The following ANKS1B variants were observed in gnomAD, a reference collection of about 807,000 sequenced individuals.
ANKS1B encodes the protein ankyrin repeat and sterile alpha motif domain-containing protein 1B.
In ANKS1B, 36 loss-of-function variants were observed where a neutral mutation model predicts 148.3. That is an observed-to-expected ratio of 0.24 (90% CI 0.19 to 0.32). The LOEUF is 0.32. Among genes scored for constraint, ANKS1B ranks in the 10% least tolerant of loss-of-function variants. The pLI is 1.00. For missense variants in ANKS1B, 1,157 were observed against 1,542.6 expected (o/e 0.75, Z 4.19); for synonymous variants, 542 against 560.8 (o/e 0.97, Z 0.47).
intron 25 of ANKS1B, among the ~76,000 whole-genome samples, chr12:98,770,163 T>C (rs1462273165): frequency 6.6e-6 from 1 of 152,232 alleles, no homozygotes; most frequent in Admixed American, 6.5e-5. Flanking sequence ...GGTGAAAACC[T>C]GCAAGGTAGA....
At chr12:99,444,901 C>A (rs954449338) in intron 10 of ANKS1B, among the ~76,000 whole-genome samples, 3 of 151,898 alleles carry the variant, frequency 2.0e-5, no homozygotes, top group Non-Finnish European at 4.4e-5. Context: ...ATCAAGGCAT[C>A]TTTTCCTCAT....
In ANKS1B at chr12:99,102,318, T is replaced by C. The variant is rs140661389; in HGVS notation, c.2527-17295A>G. Among the ~76,000 whole-genome samples, 5 of 152,276 alleles carry C rather than the reference T, an allele frequency of 3.3e-5. No homozygotes were observed. The East Asian group carries it at 9.6e-4, about 29-fold the overall frequency. On this transcript the variant is annotated intron_variant, in intron 15 of 26. Coordinates refer to ENST00000683438, the MANE Select transcript of ANKS1B (RefSeq NM_001352186.2). ...AGACAAAAGGGGTGGAGACAATGAA[T>C]GTAGACGATTGTTTTGAGAAATCTG...
At chr12:99,656,065 A>G (rs567743481) in intron 8 of ANKS1B, among the ~76,000 whole-genome samples, 1 of 152,292 alleles carries the variant, frequency 6.6e-6, no homozygotes, top group Admixed American at 6.5e-5. Context: ...CTAAATCTTT[A>G]CCACTGGCAA....
At chr12:98,917,928 T>C (rs2099796588) in intron 17 of ANKS1B, among the ~76,000 whole-genome samples, 1 of 152,210 alleles carries the variant, frequency 6.6e-6, no homozygotes, top group South Asian at 2.1e-4. Flanking sequence ...CCAGGTACCA[T>C]AATAAGTGTT....
intron 15 of ANKS1B, among the ~76,000 whole-genome samples, chr12:99,127,086 T>C (rs1021445433): frequency 2.0e-5 from 3 of 152,206 alleles, no homozygotes; most frequent in Non-Finnish European, 2.9e-5. Flanking sequence ...TGCAACTTTC[T>C]GCTGAAAAAA....
chr12:99,320,025 T>A (rs913385281), intron 12 of ANKS1B, among the ~76,000 whole-genome samples: 2 of 152,234 alleles, frequency 1.3e-5, no homozygotes, highest in Admixed American at 6.5e-5. Flanking sequence ...TGGCCCCCAC[T>A]CTCTTCTGGC....
At chr12:98,907,020 T>A (rs1351137386) in intron 17 of ANKS1B, among the ~76,000 whole-genome samples, 2 of 150,056 alleles carry the variant, frequency 1.3e-5, no homozygotes, top group African/African-American at 5.0e-5. Context: ...TGTGTGTGTG[T>A]GTGTGTGTGT....
At chr12:99,401,795 G>A (rs1331516315) in intron 11 of ANKS1B, among the ~76,000 whole-genome samples, 2 of 146,632 alleles carry the variant, frequency 1.4e-5, no homozygotes, top group African/African-American at 2.6e-5. Context: ...ATAGCAGTAA[G>A]GGTGATGAAA....
At chr12:98,855,009 A>C (rs2099554970) in intron 17 of ANKS1B, among the ~76,000 whole-genome samples, 1 of 150,482 alleles carries the variant, frequency 6.6e-6, no homozygotes, top group Non-Finnish European at 1.5e-5. Flanking sequence ...AATACAAAAA[A>C]TTAGCCGGGC....
In ANKS1B at chr12:99,015,002, C is replaced by T. The variant is rs560177972; in HGVS notation, c.2778+38155G>A. On this transcript the variant is annotated intron_variant, in intron 17 of 26. Transcript: ENST00000683438. ...AAGACAGAAATACCACTCAACCCAG[C>T]AATCCCACTACTGGTTATATACCCA... is the stretch of plus-strand genomic sequence containing the variant. Among the ~76,000 whole-genome samples, 11 of 152,302 alleles carry T rather than the reference C, an allele frequency of 7.2e-5. No homozygotes were observed. In the South Asian group the frequency reaches 2.3e-3, roughly 32 times the overall value.
intron 17 of ANKS1B, among the ~76,000 whole-genome samples, chr12:98,887,437 T>C (rs1349991879): frequency 6.6e-6 from 1 of 152,176 alleles, no homozygotes; most frequent in Non-Finnish European, 1.5e-5. Flanking sequence ...CCCCAAATTA[T>C]ATAACCTTCC....
intron 16 of ANKS1B, among the ~76,000 whole-genome samples, chr12:99,057,638 T>C (rs562261985): frequency 7.9e-5 from 12 of 152,342 alleles, no homozygotes; most frequent in African/African-American, 2.9e-4. Flanking sequence ...TATGCCCCTG[T>C]GCCCTTTGCC....
chr12:98,795,108 TCTAATGG>T, intron 22 of ANKS1B: 2 of 555,440 alleles, frequency 3.6e-6, no homozygotes, highest in Non-Finnish European at 6.4e-6. Flanking sequence ...TACCTTGCCA[TCTAATGG>T]CACTAGGCAG....
chr12:99,726,789 C>T (rs11533578), intron 8 of ANKS1B, among the ~76,000 whole-genome samples: 36,067 of 152,050 alleles, frequency 0.24, 4,497 homozygotes, highest in African/African-American at 0.28. Flanking sequence ...AACTTATCCA[C>T]CACAATCAAG....
intron 11 of ANKS1B, among the ~76,000 whole-genome samples, chr12:99,401,319 T>A (rs1043934064): frequency 1.4e-5 from 2 of 146,400 alleles, no homozygotes. Context: ...TAGAAAGGCA[T>A]GAGCTATAGC....
At chr12:98,944,302 CAAA>C (rs11313441) in intron 17 of ANKS1B, among the ~76,000 whole-genome samples, 13 of 88,038 alleles carry the variant, frequency 1.5e-4, no homozygotes, top group Admixed American at 2.9e-4. Context: ...CTCCACCTCA[CAAA>C]AAAAAAAAAA....
chr12:99,205,072 G>A (rs1318390330), intron 14 of ANKS1B, among the ~76,000 whole-genome samples: 1 of 152,028 alleles, frequency 6.6e-6, no homozygotes, highest in African/African-American at 2.4e-5. Flanking sequence ...CCCCCAAAAA[G>A]AAAAACAAAC....
In ANKS1B at chr12:99,053,197, A is replaced by G; in HGVS notation, c.2738T>C (p.Met913Thr). The change falls in exon 17 of 27, where the codon ATG (methionine) becomes ACG (threonine). Residue 913 changes from methionine to threonine, a missense_variant. Around this residue, in one of 6 missense-constraint regions of ANKS1B, gnomAD observed 258 missense variants for 497.0 expected, o/e 0.52. Transcript: ENST00000683438. ...CTCCCAGATTTTTTTCAACAGGTCC[A>G]TCGAAGTGTAGCCATTAATTAGAAA... ...KAFLINGYTS[M>T]DLLKKIWEVE... The G allele has an allele frequency of 6.2e-7, 1 of 1,609,820 alleles. No individual in the cohort carries two copies. The highest frequency in any genetic ancestry group is 1.7e-5 in the Admixed American group (1 of 59,536).
intron 16 of ANKS1B, among the ~76,000 whole-genome samples, chr12:99,055,666 A>C (rs1008725400): frequency 6.6e-6 from 1 of 151,480 alleles, no homozygotes; most frequent in East Asian, 1.9e-4. Context: ...TCCCAATGCC[A>C]GAAAATTTAG....
Sources: gnomAD v4.1 joint callset for allele counts (sites outside exome capture counted in the v4.1 genomes callset) on GRCh38, gnomAD v4.1.1 for gene constraint, gnomAD v4.1.1 regional missense constraint, MANE v1.5 for transcripts, NCBI Gene and HGNC (gene_info 2026-07-23, HGNC 2026-07-21) for gene names.